Variants in UBR3 observed in about 807,000 individuals in gnomAD.
The protein encoded by UBR3 is ubiquitin protein ligase E3 component n-recognin 3, also known as E3 ubiquitin-protein ligase UBR3.
Under a neutral mutation model 243.2 loss-of-function variants are expected in UBR3, and 85 were observed. The ratio of observed to expected loss-of-function variants is 0.35; its 90% confidence interval spans 0.29 to 0.42. UBR3 has a LOEUF of 0.42. Among genes scored for constraint, UBR3 ranks in the 10% least tolerant of loss-of-function variants. The pLI is 1.00. For synonymous variants in UBR3, 748 were observed against 799.8 expected (o/e 0.94, Z 1.09); for missense variants, 1,686 against 2,300.8 (o/e 0.73, Z 5.47).
Position 170,001,432 on chromosome 2 carries a change from AT to A in UBR3, c.4029+24del. On this transcript the variant is annotated intron_variant, in intron 27 of 38. Transcript: ENST00000272793. ...CATTACGGGTAAGTTGATTGCAAAA[AT>A]TTTTTAAAGGTGCATGTATCTTTCC... 6.4e-7 allele frequency: 1 copy of A among 1,553,122 alleles called. No individual in the cohort carries two copies. Among genetic ancestry groups the A allele is most frequent in the Non-Finnish European group, 8.9e-7 (1 of 1,126,632 alleles).
intron 27 of UBR3, 33 bp from the exon 28 acceptor site, chr2:170,006,957 A>G (rs367631691): frequency 3.8e-6 from 6 of 1,596,364 alleles, no homozygotes; most frequent in South Asian, 1.1e-5. Context: ...GAATGTGTAT[A>G]TCACGCATCT....
chr2:169,945,380 G>A (rs1051373476), intron 20 of UBR3, among the ~76,000 whole-genome samples: 3 of 152,138 alleles, frequency 2.0e-5, no homozygotes, highest in African/African-American at 7.2e-5. Flanking sequence ...AAAAACATGA[G>A]AGAGTCAGTG....
chr2:170,082,281 T>A lies in UBR3; in HGVS notation c.*438T>A, dbSNP rs2105464418. 1 of 153,592 alleles carries A rather than the reference T, an allele frequency of 6.5e-6. No individual in the cohort carries two copies. The highest frequency in any genetic ancestry group is 3.4e-3 in the Middle Eastern group (1 of 294). The allele number at this position is 153,592 out of a possible 1,614,324, so 9.5% of individuals were successfully genotyped here. On this transcript the variant is annotated 3_prime_UTR_variant, in exon 39 of 39. Coordinates refer to ENST00000272793, the MANE Select transcript of UBR3 (RefSeq NM_172070.4). ...TTTTCCTCTGCCATTCTTGTGTTGA[T>A]TGGAGAATTTTTCTGTATGTAATTA... is the stretch of plus-strand genomic sequence containing the variant.
At chr2:169,882,136 T>TTTATA (rs1351623357) in intron 5 of UBR3, among the ~76,000 whole-genome samples, 1 of 129,102 alleles carries the variant, frequency 7.7e-6, no homozygotes, top group Non-Finnish European at 1.5e-5. Context: ...TATACATATA[T>TTTATA]TTATATTATA....
At chr2:170,005,975 A>T (rs191723521) in intron 27 of UBR3, among the ~76,000 whole-genome samples, 2 of 152,098 alleles carry the variant, frequency 1.3e-5, no homozygotes, top group African/African-American at 2.4e-5. Flanking sequence ...GATGTGAGAG[A>T]TGTAGGAGGG....
intron 5 of UBR3, among the ~76,000 whole-genome samples, chr2:169,885,671 TTTC>T (rs2084064958): frequency 6.6e-6 from 1 of 152,226 alleles, no homozygotes; most frequent in South Asian, 2.1e-4. Context: ...CTTGTTTACT[TTTC>T]TTTTTTTCCT....
At chr2:169,832,961 ATGAACT>A (rs1453390106) in intron 1 of UBR3, among the ~76,000 whole-genome samples, 1 of 152,096 alleles carries the variant, frequency 6.6e-6, no homozygotes, top group Non-Finnish European at 1.5e-5. Context: ...TTATGGGTGG[ATGAACT>A]CAAAACAAAA....
At chr2:169,834,390 C>G (rs1574000037) in intron 1 of UBR3, among the ~76,000 whole-genome samples, 1 of 152,146 alleles carries the variant, frequency 6.6e-6, no homozygotes, top group African/African-American at 2.4e-5. Flanking sequence ...TTCTTGTATA[C>G]ACTTGTTCAT....
chr2:170,049,696 G>T (rs1476123282), intron 32 of UBR3, among the ~76,000 whole-genome samples: 1 of 152,042 alleles, frequency 6.6e-6, no homozygotes, highest in Non-Finnish European at 1.5e-5. Flanking sequence ...CTTTCTATTG[G>T]ATATCCTTTT....
intron 28 of UBR3, among the ~76,000 whole-genome samples, chr2:170,008,430 C>T (rs185835734): frequency 1.4e-3 from 214 of 152,086 alleles, no homozygotes; most frequent in Non-Finnish European, 2.5e-3. Context: ...CTTAAACTTA[C>T]GGGACATTGA....
chr2:170,045,699 T>C (rs1328538494), intron 32 of UBR3, among the ~76,000 whole-genome samples: 1 of 152,180 alleles, frequency 6.6e-6, no homozygotes, highest in Non-Finnish European at 1.5e-5. Context: ...GAGCAGAGTT[T>C]CATGAACCCC....
intron 16 of UBR3, 54 bp downstream of exon 16, chr2:169,927,025 C>T: frequency 1.3e-6 from 2 of 1,523,824 alleles, no homozygotes; most frequent in Non-Finnish European, 1.8e-6. Context: ...TCCCTTTCTC[C>T]CCCTCCCTGT....
At chr2:170,077,573 G>C (rs13008215) in intron 36 of UBR3, 16 of 557,604 alleles carry the variant, frequency 2.9e-5, no homozygotes, top group Non-Finnish European at 4.4e-5. Flanking sequence ...CTCTATGCCT[G>C]CGTCTTTCTC....
chr2:170,036,218 G>A (rs997369613), intron 31 of UBR3, among the ~76,000 whole-genome samples: 49 of 152,008 alleles, frequency 3.2e-4, no homozygotes, highest in Non-Finnish European at 8.8e-5. Flanking sequence ...GAAAAGAAGT[G>A]GGGAGTGGGG....
At chr2:169,952,587 A>G (rs1018107881) in intron 23 of UBR3, among the ~76,000 whole-genome samples, 3 of 151,200 alleles carry the variant, frequency 2.0e-5, no homozygotes, top group Non-Finnish European at 4.4e-5. Context: ...CCCAGCTACT[A>G]GGGAGGCTGA....
In UBR3 at chr2:170,081,974, T is replaced by G; in HGVS notation, c.*131T>G. On this transcript the variant is annotated 3_prime_UTR_variant, in exon 39 of 39. Coordinates refer to ENST00000272793, the MANE Select transcript of UBR3 (RefSeq NM_172070.4). Reference sequence around the variant, plus strand: ...AAAAGAAAACATACATTATGAAGCCTTTCCAAAATTAGGTGCTTGGTAATC... The same window carrying G: ...AAAAGAAAACATACATTATGAAGCCGTTCCAAAATTAGGTGCTTGGTAATC... The G allele has an allele frequency of 3.3e-6, 2 of 601,640 alleles. No homozygotes were observed. The highest frequency in any genetic ancestry group is 5.4e-6 in the Non-Finnish European group (2 of 372,998). The allele number at this position is 601,640 out of a possible 1,614,324, so 37.3% of individuals were successfully genotyped here.
intron 24 of UBR3, among the ~76,000 whole-genome samples, chr2:169,982,869 G>C (rs2088803859): frequency 6.6e-6 from 1 of 152,164 alleles, no homozygotes; most frequent in African/African-American, 2.4e-5. Flanking sequence ...AAGACTCAGT[G>C]GTTCTGTTGT....
At chr2:170,046,455 C>T (rs1224506708) in intron 32 of UBR3, among the ~76,000 whole-genome samples, 1 of 152,122 alleles carries the variant, frequency 6.6e-6, no homozygotes, top group Non-Finnish European at 1.5e-5. Flanking sequence ...TATTTTGCTA[C>T]TTGTACCCCC....
chr2:169,931,350 T>TAAA (rs66951181), intron 18 of UBR3, among the ~76,000 whole-genome samples: 5,382 of 87,460 alleles, frequency 0.062, 147 homozygotes, highest in Non-Finnish European at 0.078. Flanking sequence ...GAATCTGTCT[T>TAAA]AAAAAAAAAA....
Sources: allele counts gnomAD v4.1 joint callset (sites outside exome capture counted in the v4.1 genomes callset), GRCh38; gene constraint gnomAD v4.1.1; transcripts MANE v1.5; gene names NCBI Gene and HGNC (gene_info 2026-07-23, HGNC 2026-07-21).